The following TACR1 variants were observed in gnomAD, a reference collection of about 807,000 sequenced individuals.
The protein encoded by TACR1 is tachykinin receptor 1, also known as substance-P receptor.
In TACR1, 25 loss-of-function variants were observed where a neutral mutation model predicts 35.8. The observed-to-expected ratio is 0.70, with a 90% CI of 0.51 to 0.98. The LOEUF is 0.98. Among genes scored for constraint, TACR1 ranks in the 50% least tolerant of loss-of-function variants. The pLI is 0.00. For missense variants in TACR1, 478 were observed against 522.9 expected (o/e 0.91, Z 0.84); for synonymous variants, 195 against 206.7 (o/e 0.94, Z 0.48).
In TACR1 at chr2:75,106,982, G is replaced by A. The variant is rs114223263; in HGVS notation, c.584+13592C>T. On this transcript the variant is annotated intron_variant, in intron 2 of 4. Transcript: ENST00000305249. ...AAAAAAGAATCTTAAGTTATGAACC[G>A]ATATCAAAATATACTGTATGTAAGA... is the stretch of plus-strand genomic sequence containing the variant. Among the ~76,000 whole-genome samples, 562 of 151,664 alleles carry A rather than the reference G, an allele frequency of 3.7e-3. 3 individuals carry two copies. The highest frequency in any genetic ancestry group is 0.015 in the South Asian group (73 of 4,810).
intron 2 of TACR1, among the ~76,000 whole-genome samples, chr2:75,092,843 A>C (rs1673337060): frequency 6.6e-6 from 1 of 152,204 alleles, no homozygotes; most frequent in African/African-American, 2.4e-5. Context: ...GGGATCCTCT[A>C]TAATCTGGTT....
At chr2:75,168,183 A>G (rs1389938801) in intron 1 of TACR1, among the ~76,000 whole-genome samples, 1 of 152,214 alleles carries the variant, frequency 6.6e-6, no homozygotes, top group Non-Finnish European at 1.5e-5. Flanking sequence ...TGTCAAACAA[A>G]GGAGAATTGG....
At chr2:75,138,862 C>T (rs1674347894) in intron 1 of TACR1, among the ~76,000 whole-genome samples, 1 of 152,136 alleles carries the variant, frequency 6.6e-6, no homozygotes, top group Admixed American at 6.5e-5. Flanking sequence ...ATAAATACCA[C>T]CCCTCCTCTC....
intron 2 of TACR1, among the ~76,000 whole-genome samples, chr2:75,106,501 T>C (rs1045000708): frequency 6.6e-6 from 1 of 152,036 alleles, no homozygotes; most frequent in African/African-American, 2.4e-5. Flanking sequence ...GTTTTGTTAC[T>C]ACACTTTGAG....
intron 2 of TACR1, among the ~76,000 whole-genome samples, chr2:75,054,358 G>C (rs1672532574): frequency 6.6e-6 from 1 of 152,220 alleles, no homozygotes; most frequent in Admixed American, 6.5e-5. Flanking sequence ...AGAGATAAGA[G>C]TAATCCTAGA....
chr2:75,106,241 T>C (rs1351877620), intron 2 of TACR1, among the ~76,000 whole-genome samples: 3 of 152,030 alleles, frequency 2.0e-5, no homozygotes, highest in African/African-American at 4.8e-5. Context: ...AACTATTCTA[T>C]TTATTTCAAA....
chr2:75,129,092 AAAG>A (rs1674132924), intron 1 of TACR1, among the ~76,000 whole-genome samples: 1 of 152,330 alleles, frequency 6.6e-6, no homozygotes, highest in East Asian at 1.9e-4. Context: ...AGAAAAAAAG[AAAG>A]AAGAGAGTAG....
intron 2 of TACR1, among the ~76,000 whole-genome samples, chr2:75,099,030 G>A (rs531413105): frequency 3.0e-4 from 46 of 151,850 alleles, no homozygotes; most frequent in African/African-American, 9.7e-4. Context: ...TGTCCTGTCA[G>A]ATGCCACCCC....
chr2:75,092,987 T>A (rs1289312376), intron 2 of TACR1, among the ~76,000 whole-genome samples: 1 of 152,206 alleles, frequency 6.6e-6, no homozygotes, highest in East Asian at 1.9e-4. Context: ...AGTTATTTTA[T>A]GTGTAGTAAA....
At chr2:75,071,019 A>G (rs1672866538) in intron 2 of TACR1, among the ~76,000 whole-genome samples, 1 of 152,224 alleles carries the variant, frequency 6.6e-6, no homozygotes, top group South Asian at 2.1e-4. Flanking sequence ...TACAAAATTC[A>G]AGTGTCAATA....
chr2:75,170,625 T>C (rs1249964568), intron 1 of TACR1, among the ~76,000 whole-genome samples: 1 of 152,150 alleles, frequency 6.6e-6, no homozygotes, highest in African/African-American at 2.4e-5. Flanking sequence ...TTGAATGGCT[T>C]TGACCCCAAA....
At chr2:75,155,137 T>G (rs763794845) in intron 1 of TACR1, among the ~76,000 whole-genome samples, 5 of 152,054 alleles carry the variant, frequency 3.3e-5, no homozygotes, top group African/African-American at 4.8e-5. Flanking sequence ...CCCAAAACGT[T>G]GAGGGACTGT....
At chr2:75,158,746 G>C (rs555955788) in intron 1 of TACR1, among the ~76,000 whole-genome samples, 1 of 152,194 alleles carries the variant, frequency 6.6e-6, no homozygotes, top group South Asian at 2.1e-4. Context: ...GCATCGCAAA[G>C]GAAGCAGAAC....
Position 75,120,702 on chromosome 2 carries a change from A to G in TACR1, c.456T>C (p.Cys152=), listed in dbSNP as rs757863219. The part of the protein sequence containing the change: ...LSATATKVVI[C]VIWVLALLLA... ...GCAGGAGAGCCAGGACCCAGATGAC[A>G]CAGATGACCACTTTGGTGGCTGTGG... Residue 152 remains cysteine (C), a synonymous_variant, in exon 2 of 5, where the codon TGT becomes TGC. Transcript: ENST00000305249. 6.2e-7 allele frequency: 1 copy of G among 1,614,040 alleles called. No homozygotes were observed. The highest frequency in any genetic ancestry group is 8.5e-7 in the Non-Finnish European group (1 of 1,180,004).
intron 1 of TACR1, among the ~76,000 whole-genome samples, chr2:75,153,605 A>C (rs1342586041): frequency 6.6e-6 from 1 of 152,246 alleles, no homozygotes; most frequent in African/African-American, 2.4e-5. Context: ...ACCCATTAAA[A>C]TACATCTCTT....
intron 2 of TACR1, among the ~76,000 whole-genome samples, chr2:75,058,333 T>G (rs940318565): frequency 6.6e-6 from 1 of 152,262 alleles, no homozygotes; most frequent in Non-Finnish European, 1.5e-5. Context: ...TTAAAATCAT[T>G]ATTTTAGAGA....
At chr2:75,095,497 G>T (rs1006766284) in intron 2 of TACR1, among the ~76,000 whole-genome samples, 3 of 152,184 alleles carry the variant, frequency 2.0e-5, no homozygotes, top group Non-Finnish European at 1.5e-5. Flanking sequence ...TGGAGGGAGG[G>T]CGTTTCGAGA....
intron 1 of TACR1, among the ~76,000 whole-genome samples, chr2:75,124,507 T>C (rs940853755): frequency 2.6e-5 from 4 of 152,210 alleles, no homozygotes; most frequent in Non-Finnish European, 4.4e-5. Flanking sequence ...GGACCACATC[T>C]TCCTGAGTTC....
chr2:75,067,307 A>G (rs1672782530), intron 2 of TACR1, among the ~76,000 whole-genome samples: 1 of 152,208 alleles, frequency 6.6e-6, no homozygotes, highest in Non-Finnish European at 1.5e-5. Flanking sequence ...TTGTTAGCAA[A>G]GTCACCTGTT....
Sources: gnomAD v4.1 joint callset for allele counts (sites outside exome capture counted in the v4.1 genomes callset) on GRCh38, gnomAD v4.1.1 for gene constraint, MANE v1.5 for transcripts, NCBI Gene and HGNC (gene_info 2026-07-23, HGNC 2026-07-21) for gene names.